Variants in LARGE1 observed in about 807,000 individuals in gnomAD.
The protein encoded by LARGE1 is xylosyl- and glucuronyltransferase LARGE1.
LARGE1 carries 43 observed loss-of-function variants against 87.6 expected under a neutral mutation model. The observed-to-expected ratio is 0.49, with a 90% CI of 0.38 to 0.63. LARGE1 has a LOEUF of 0.63. LARGE1 is among the 30% of genes least tolerant of loss of function. The pLI, the probability that LARGE1 is intolerant of heterozygous loss-of-function variation, is 0.00. For missense variants in LARGE1, 802 were observed against 1,000.2 expected (o/e 0.80, Z 2.67); for synonymous variants, 434 against 394.6 (o/e 1.10, Z -1.18).
chr22:33,594,002 T>C (rs1290850304), intron 5 of LARGE1, among the ~76,000 whole-genome samples: 1 of 152,132 alleles, frequency 6.6e-6, no homozygotes, highest in East Asian at 1.9e-4. Flanking sequence ...CGCCAGGAAA[T>C]GGTAGGGATA....
At chr22:33,503,253 T>C (rs372543715) in intron 6 of LARGE1, among the ~76,000 whole-genome samples, 68 of 149,970 alleles carry the variant, frequency 4.5e-4, no homozygotes, top group African/African-American at 1.7e-3. Context: ...TTTTTTTTTT[T>C]TTTTTGTTTT....
At chr22:33,380,651 G>A (rs191094105) in intron 9 of LARGE1, among the ~76,000 whole-genome samples, 87 of 152,318 alleles carry the variant, frequency 5.7e-4, no homozygotes, top group African/African-American at 1.8e-3. Context: ...TTTAACATGC[G>A]TTATGACTAC....
At position 33,304,438 on chromosome 22, in the gene LARGE1, G is replaced by T. The variant is rs1312649028; in HGVS notation, c.1521C>A (p.Asp507Glu). ...AGCGGAGGAACTGCTGGGCCTCGGCGTCTGACAGGTAGAGGGCCAGGCTGA... is the reference window on the plus strand; with the variant it reads ...AGCGGAGGAACTGCTGGGCCTCGGCTTCTGACAGGTAGAGGGCCAGGCTGA... The part of the protein sequence containing the change: ...GPISLALYLS[D>E]AEAQQFLRYA... Residue 507 changes from aspartate to glutamate, a missense_variant, in exon 12 of 15, where the codon GAC (aspartate) becomes GAA (glutamate). By Grantham distance (45) the Asp-to-Glu change is conservative. This residue lies in a region of LARGE1 where 625 missense variants were observed against 841.9 expected (regional missense o/e 0.74). Coordinates refer to ENST00000397394, the MANE Select transcript of LARGE1 (RefSeq NM_133642.5). 2 of 1,613,966 alleles carry T rather than the reference G, an allele frequency of 1.2e-6. No homozygotes were observed. Among genetic ancestry groups the T allele is most frequent in the Non-Finnish European group, 1.7e-6 (2 of 1,180,008 alleles).
At chr22:33,389,120 G>T (rs2147183640) in intron 7 of LARGE1, among the ~76,000 whole-genome samples, 1 of 152,318 alleles carries the variant, frequency 6.6e-6, no homozygotes, top group East Asian at 1.9e-4. Flanking sequence ...CATGGACAAA[G>T]GCACAGAGGC....
chr22:33,085,525 TA>T, the LARGE1 span, among the ~76,000 whole-genome samples: 38,948 of 152,034 alleles, frequency 0.26, 5,588 homozygotes, highest in Non-Finnish European at 0.33. Flanking sequence ...GTCAACTCAG[TA>T]TCAACATTGG....
intron 11 of LARGE1, among the ~76,000 whole-genome samples, chr22:33,185,214 A>AT (rs1194404324): frequency 6.6e-6 from 1 of 152,164 alleles, no homozygotes; most frequent in East Asian, 1.9e-4. Context: ...ATGGAATATT[A>AT]TTCAGTGACA....
intron 1 of LARGE1, among the ~76,000 whole-genome samples, chr22:33,888,171 A>AGG (rs1326010698): frequency 1.3e-5 from 2 of 152,138 alleles, no homozygotes; most frequent in Non-Finnish European, 2.9e-5. Flanking sequence ...CTCACCTAGG[A>AGG]CCAGTATTTG....
At chr22:33,512,893 A>C (rs1002494033) in intron 6 of LARGE1, among the ~76,000 whole-genome samples, 3 of 152,236 alleles carry the variant, frequency 2.0e-5, no homozygotes, top group African/African-American at 7.2e-5. Context: ...TGTCTTCAAC[A>C]TACCCTGTGA....
intron 12 of LARGE1, among the ~76,000 whole-genome samples, chr22:33,299,215 A>T (rs1933802746): frequency 6.6e-6 from 1 of 152,010 alleles, no homozygotes; most frequent in South Asian, 2.1e-4. Context: ...AGAGAGAGGA[A>T]GCAGTATGGA....
the LARGE1 span, among the ~76,000 whole-genome samples, chr22:33,103,215 C>A: frequency 6.2e-3 from 944 of 151,976 alleles, 14 homozygotes; most frequent in African/African-American, 0.022. Flanking sequence ...GGGCGGATCC[C>A]GAGGTCAGGA....
rs1483457216 is a variant in LARGE1, at chr22:33,654,748, T to C, written c.107-4080A>G. Among the ~76,000 whole-genome samples, 4 of 152,240 alleles carry C rather than the reference T, an allele frequency of 2.6e-5. No individual in the cohort carries two copies. The South Asian group carries it at 6.2e-4, about 24-fold the overall frequency. ...ATACAGCCCATTACATACGATTTTATGGCTATGTAAACAACTGTGCCCACA... is the reference window on the plus strand; with the variant it reads ...ATACAGCCCATTACATACGATTTTACGGCTATGTAAACAACTGTGCCCACA... On this transcript the variant is annotated intron_variant, in intron 2 of 14. Transcript: ENST00000397394.
chr22:33,534,575 A>T (rs2076989862), intron 6 of LARGE1, among the ~76,000 whole-genome samples: 1 of 152,174 alleles, frequency 6.6e-6, no homozygotes, highest in Non-Finnish European at 1.5e-5. Flanking sequence ...TGTCACACAA[A>T]TGGCGACTGC....
At chr22:33,858,361 C>G (rs1030690413) in intron 1 of LARGE1, among the ~76,000 whole-genome samples, 1 of 152,102 alleles carries the variant, frequency 6.6e-6, no homozygotes, top group African/African-American at 2.4e-5. Context: ...GAAGAGAGTG[C>G]GGTTGCAAGA....
Position 33,293,305 on chromosome 22 carries a change from AT to A in LARGE1, c.1731-9958del, listed in dbSNP as rs1932859817. ...TTTCAAGCCCCATGCTAAGTGCTTT[AT>A]ATGCATTACTTCTCTTAATTATTGC... On this transcript the variant is annotated intron_variant, in intron 12 of 14. Transcript: ENST00000397394. Among the ~76,000 whole-genome samples, 2 of 152,238 alleles carry A rather than the reference AT, an allele frequency of 1.3e-5. 1 individual carries two copies. Among genetic ancestry groups the A allele is most frequent in the African/African-American group, 4.8e-5 (2 of 41,462 alleles).
the LARGE1 span, among the ~76,000 whole-genome samples, chr22:33,127,009 C>G: frequency 1.3e-5 from 2 of 152,228 alleles, no homozygotes; most frequent in African/African-American, 4.8e-5. Flanking sequence ...TGCACTATTC[C>G]TTCCTGGGAT....
chr22:33,690,801 C>T (rs1295506214), intron 2 of LARGE1, among the ~76,000 whole-genome samples: 2 of 152,134 alleles, frequency 1.3e-5, no homozygotes, highest in East Asian at 1.9e-4. Context: ...GGCTGGCACT[C>T]GATGTTGCAG....
intron 1 of LARGE1, among the ~76,000 whole-genome samples, chr22:33,914,044 A>T (rs2065714069): frequency 6.6e-6 from 1 of 152,190 alleles, no homozygotes; most frequent in African/African-American, 2.4e-5. Flanking sequence ...ATCACATTTT[A>T]TATGCCCACT....
At chr22:33,481,861 C>T (rs1234109145) in intron 6 of LARGE1, among the ~76,000 whole-genome samples, 1 of 152,146 alleles carries the variant, frequency 6.6e-6, no homozygotes, top group Admixed American at 6.5e-5. Context: ...GCAGTGGCCA[C>T]CTCATTTAGG....
chr22:33,652,324 A>C (rs2080844790), intron 2 of LARGE1, among the ~76,000 whole-genome samples: 1 of 152,104 alleles, frequency 6.6e-6, no homozygotes, highest in African/African-American at 2.4e-5. Flanking sequence ...CCACTTCAAT[A>C]AACTTTCATT....
Sources: gnomAD v4.1 joint callset for allele counts (sites outside exome capture counted in the v4.1 genomes callset) on GRCh38, gnomAD v4.1.1 for gene constraint, gnomAD v4.1.1 regional missense constraint, MANE v1.5 for transcripts, NCBI Gene and HGNC (gene_info 2026-07-23, HGNC 2026-07-21) for gene names.